OTOG: variants seen among roughly 807,000 people sequenced by gnomAD.
OTOG encodes otogelin.
OTOG carries 296 observed loss-of-function variants against 313.8 expected under a neutral mutation model. The ratio of observed to expected loss-of-function variants is 0.94; its 90% CI spans 0.86 to 1.04. The LOEUF is 1.04. Ranked by LOEUF, OTOG falls within the 50% of genes least tolerant of loss-of-function variation. OTOG has a pLI of 0.00. For missense variants in OTOG, 3,948 were observed against 3,840.1 expected, an observed-to-expected ratio of 1.03 and a Z score of -0.74; for synonymous variants, 1,533 against 1,554.9, an observed-to-expected ratio of 0.99 and a Z score of 0.33.
chr11:17,557,379 A>G, intron 8 of OTOG, 56 bp downstream of exon 8: 21 of 1,358,958 alleles, frequency 1.5e-5, no homozygotes, highest in Non-Finnish European at 1.9e-5. Flanking sequence ...GGGACAGGTC[A>G]GGCTGGGAGG....
At chr11:17,570,833 C>G (rs1222563640) in intron 17 of OTOG, among the ~76,000 whole-genome samples, 1 of 152,136 alleles carries the variant, frequency 6.6e-6, no homozygotes, top group Admixed American at 6.5e-5. Context: ...GTGTAAGCCC[C>G]TAGTGAGCCA....
Position 17,612,339 on chromosome 11 carries a change from T to A in OTOG, c.6292+9T>A, listed in dbSNP as rs1284174612. The stretch of plus-strand genomic sequence containing the variant: ...ACTCTGGGAGTGTGCCTGTGAGTCA[T>A]GGGATCAGCGGAGCCTCCTGCATCC... On this transcript the variant is annotated intron_variant, in intron 37 of 55. Transcript: ENST00000399397. 6.6e-7 allele frequency: 1 copy of A among 1,523,506 alleles called. No individual in the cohort carries two copies. Among genetic ancestry groups the A allele is most frequent in the Non-Finnish European group, 8.8e-7 (1 of 1,138,474 alleles). The allele number at this position is 1,523,506 out of a possible 1,614,324, so 94.4% of individuals were successfully genotyped here.
At chr11:17,634,317 G>A (rs936240658) in intron 44 of OTOG, 36 bp downstream of exon 44, 1 of 1,539,534 alleles carries the variant, frequency 6.5e-7, no homozygotes, top group Non-Finnish European at 8.8e-7. Flanking sequence ...GACGTCAACT[G>A]TAAAACAGTT....
At chr11:17,559,909 G>GAAAGATGGAAGGGAGGAAGAA (rs371913412) in intron 12 of OTOG, among the ~76,000 whole-genome samples, 1 of 148,704 alleles carries the variant, frequency 6.7e-6, no homozygotes, top group African/African-American at 2.5e-5. Context: ...AGGGAGGAAG[G>GAAAGATGGAAGGGAGGAAGAA]AAGGAAAGAA....
At chr11:17,621,999 G>A (rs80108935) in intron 39 of OTOG, among the ~76,000 whole-genome samples, 2,179 of 152,182 alleles carry the variant, frequency 0.014, 51 homozygotes, top group South Asian at 0.095. Context: ...ATGCAGGCGA[G>A]GCTCCTCTCT....
chr11:17,578,552 C>T (rs917356435), intron 23 of OTOG, 26 bp downstream of exon 23: 24 of 1,500,340 alleles, frequency 1.6e-5, no homozygotes, highest in East Asian at 2.5e-5. Flanking sequence ...GTCGTGGGCC[C>T]GTGATCCTGA....
In OTOG at chr11:17,599,165, T is replaced by G. The variant is rs141724529; in HGVS notation, c.3683-506T>G. Among the ~76,000 whole-genome samples, 274 of 152,278 alleles carry G rather than the reference T, an allele frequency of 1.8e-3. 3 individuals are homozygous for G. The highest frequency in any genetic ancestry group is 6.4e-3 in the African/African-American group (266 of 41,564). ...AAGCTGAGCTCACGCTTGCGGGAGC[T>G]TCTCACAGCTCGGCTGGTGGAAGCG... On this transcript the variant is annotated intron_variant, in intron 30 of 55. Transcript: ENST00000399397.
intron 7 of OTOG, 49 bp downstream of exon 7, chr11:17,555,946 G>A: frequency 7.2e-7 from 1 of 1,397,570 alleles, no homozygotes; most frequent in African/African-American, 1.4e-5. Flanking sequence ...TGACACTGGT[G>A]GTGGTGGATG....
At chr11:17,619,271 CAACA>C (rs1201066137) in intron 39 of OTOG, among the ~76,000 whole-genome samples, 2 of 152,078 alleles carry the variant, frequency 1.3e-5, no homozygotes, top group South Asian at 2.1e-4. Flanking sequence ...GGCCCTGTCT[CAACA>C]AACAAACAAA....
Position 17,547,305 on chromosome 11 carries a change from C to T in OTOG, c.-68C>T. 7.9e-7 allele frequency: 1 copy of T among 1,262,016 alleles called. No individual in the cohort carries two copies. The highest frequency in any genetic ancestry group is 3.1e-5 in the East Asian group (1 of 32,052). 78.2% of individuals were successfully genotyped at this position (1,262,016 alleles called of 1,614,324 possible). On this transcript the variant is annotated 5_prime_UTR_variant, in exon 1 of 56. Coordinates refer to ENST00000399397, the MANE Select transcript of OTOG (RefSeq NM_001292063.2). The stretch of plus-strand genomic sequence containing the variant: ...GCTGCGGAGTGGAGGTGTGACCCTG[C>T]CTTAGCCCGGGGAGGCACCTCGGGA...
chr11:17,591,012 T>A lies in OTOG; in HGVS notation c.2868-438T>A, dbSNP rs200492997. ...GTACATACTTGCACTGCCTTATTAT[T>A]TTTTATTTAGTGTATCTCTTCTCCC... On this transcript the variant is annotated intron_variant, in intron 24 of 55. Coordinates refer to ENST00000399397, the MANE Select transcript of OTOG (RefSeq NM_001292063.2). 1.4e-4 allele frequency among the ~76,000 whole-genome samples: 21 copies of A among 152,348 alleles called. No individual in the cohort carries two copies. In the East Asian group the frequency reaches 3.5e-3, roughly 25 times the overall value.
At position 17,591,601 on chromosome 11, in the gene OTOG, A is replaced by T; in HGVS notation, c.3006+13A>T. 1 of 1,550,326 alleles carries T rather than the reference A, an allele frequency of 6.5e-7. No individual in the cohort carries two copies. The highest frequency in any genetic ancestry group is 8.7e-7 in the Non-Finnish European group (1 of 1,146,968). Reference sequence around the variant, plus strand: ...GCACCTGGTCAAGGTGAGTTCCCGGATGTTTCTGCCCAGTTGGCTCCATGC... The same window carrying T: ...GCACCTGGTCAAGGTGAGTTCCCGGTTGTTTCTGCCCAGTTGGCTCCATGC... On this transcript the variant is annotated intron_variant, in intron 25 of 55. Transcript: ENST00000399397.
rs1437740740 is a variant in OTOG at position 17,610,550 on chromosome 11, C to T, written c.5250C>T (p.Pro1750=). Residue 1750 remains proline (P), a synonymous_variant, in exon 36 of 56, where the codon CCC becomes CCT. Transcript: ENST00000399397. The stretch of plus-strand genomic sequence containing the variant: ...CACACCCACTCCCCTCTGCACCACC[C>T]CGCCCAGCCCAGCATACCACCATGG... ...PQPHPLPSAP[P]RPAQHTTMAT... 2 of 1,550,526 alleles carry T rather than the reference C, an allele frequency of 1.3e-6. No individual in the cohort carries two copies. Among genetic ancestry groups the T allele is most frequent in the African/African-American group, 1.4e-5 (1 of 73,052 alleles).
intron 18 of OTOG, among the ~76,000 whole-genome samples, chr11:17,572,754 C>T (rs1391824203): frequency 6.6e-6 from 1 of 152,210 alleles, no homozygotes; most frequent in African/African-American, 2.4e-5. Flanking sequence ...CCTGCCTCAC[C>T]TCATACACCC....
intron 31 of OTOG, among the ~76,000 whole-genome samples, 188 bp from the exon 32 acceptor site, chr11:17,602,022 G>A (rs1480698992): frequency 6.6e-6 from 1 of 152,194 alleles, no homozygotes; most frequent in Non-Finnish European, 1.5e-5. Flanking sequence ...GGGGCTGGCA[G>A]CCTGGGAATC....
chr11:17,548,291 T>C (rs1851854433), intron 3 of OTOG, 79 bp downstream of exon 3: 5 of 1,305,196 alleles, frequency 3.8e-6, no homozygotes, highest in Non-Finnish European at 4.2e-6. Flanking sequence ...GGGAGCTCTG[T>C]AGGTTACAGG....
rs56402246 is a variant in OTOG, at chr11:17,548,418, CTTTTTTTTTTT to C, written c.216+234_216+244del. The stretch of plus-strand genomic sequence containing the variant: ...ATCTCTTGGGGGTCTATAGTCCACT[CTTTTTTTTTTT>C]TTTTTTTTTTTTTTTTTTTTTTTTT... On this transcript the variant is annotated intron_variant, in intron 3 of 55. Coordinates refer to ENST00000399397, the MANE Select transcript of OTOG (RefSeq NM_001292063.2). Among the ~76,000 whole-genome samples the C allele has an allele frequency of 0.015, 1,304 of 87,192 alleles. 13 individuals are homozygous for C. The highest frequency in any genetic ancestry group is 0.021 in the Non-Finnish European group (989 of 46,336). 57.2% of individuals were successfully genotyped at this position (87,192 alleles called of 152,430 possible).
At position 17,629,232 on chromosome 11, in the gene OTOG, A is replaced by T; in HGVS notation, c.6628A>T (p.Ile2210Phe). ...HMYMILTPSD[I>F]QIQWLHSSGL... ...GTACATGATCCTGACTCCCTCAGAC[A>T]TCCAGATCCAGTGGCTCCACAGCTC... The change falls in exon 40 of 56, where the codon ATC becomes TTC. Residue 2210 changes from isoleucine to phenylalanine, a missense_variant. By Grantham distance (21) the Ile-to-Phe change is conservative. Coordinates refer to ENST00000399397, the MANE Select transcript of OTOG (RefSeq NM_001292063.2). 6.4e-7 allele frequency: 1 copy of T among 1,550,642 alleles called. No homozygotes were observed. The highest frequency in any genetic ancestry group is 8.7e-7 in the Non-Finnish European group (1 of 1,147,000).
intron 12 of OTOG, among the ~76,000 whole-genome samples, chr11:17,559,927 A>C (rs1852145976): frequency 6.6e-6 from 1 of 150,798 alleles, no homozygotes; most frequent in African/African-American, 2.4e-5. Context: ...GAAGGAAGGG[A>C]GGGAAGGAAG....
Sources: allele counts gnomAD v4.1 joint callset (sites outside exome capture counted in the v4.1 genomes callset), GRCh38; gene constraint gnomAD v4.1.1; transcripts MANE v1.5; gene names NCBI Gene and HGNC (gene_info 2026-07-23, HGNC 2026-07-21).